Variants in COL4A3 observed in about 807,000 individuals in gnomAD.
COL4A3 encodes the protein collagen alpha-3(IV) chain.
Under a neutral mutation model 217.4 loss-of-function variants are expected in COL4A3, and 135 were observed. The ratio of observed to expected loss-of-function variants is 0.62; its 90% confidence interval spans 0.54 to 0.72. The LOEUF (loss-of-function observed/expected upper bound fraction) is 0.72. COL4A3 is among the 30% of genes least tolerant of loss of function. The probability of loss-of-function intolerance (pLI) is 0.00; values close to 1 mark genes in which losing one functional copy is unlikely to be tolerated. For synonymous variants in COL4A3, 690 were observed against 736.3 expected, an observed-to-expected ratio of 0.94 and a Z score of 1.02; for missense variants, 1,868 against 2,119.9, an observed-to-expected ratio of 0.88 and a Z score of 2.33.
intron 34 of COL4A3, among the ~76,000 whole-genome samples, chr2:227,287,451 C>A (rs983999580): frequency 3.3e-5 from 5 of 151,670 alleles, no homozygotes; most frequent in Non-Finnish European, 7.4e-5. Flanking sequence ...AAATGTAAAA[C>A]CCGTCTTTAA....
At chr2:227,270,544 G>A (rs2071174643) in intron 24 of COL4A3, among the ~76,000 whole-genome samples, 1 of 152,016 alleles carries the variant, frequency 6.6e-6, no homozygotes. Flanking sequence ...TTATATTATT[G>A]TCTGTATTGC....
chr2:227,184,308 T>C (rs1027160653), intron 1 of COL4A3, among the ~76,000 whole-genome samples: 12 of 152,222 alleles, frequency 7.9e-5, no homozygotes, highest in African/African-American at 2.9e-4. Flanking sequence ...GAGTTGCTGG[T>C]TAATTATTGC....
intron 1 of COL4A3, among the ~76,000 whole-genome samples, chr2:227,225,133 T>C (rs1217849570): frequency 6.6e-6 from 1 of 152,218 alleles, no homozygotes; most frequent in Non-Finnish European, 1.5e-5. Context: ...CTCCAACCCC[T>C]GGGCTCAAGT....
At position 227,244,332 on chromosome 2, in the gene COL4A3, C is replaced by G. The variant is rs372621387; in HGVS notation, c.247C>G (p.Leu83Val). 1.9e-4 allele frequency: 310 copies of G among 1,613,814 alleles called. No individual in the cohort carries two copies. Among genetic ancestry groups the G allele is most frequent in the Non-Finnish European group, 2.6e-4 (305 of 1,179,896 alleles). ...GPQGPKGFPG[L>V]PGLTGSKGVR... ...CACTTGAATCTAGGGCTTTCCAGGA[C>G]TTCCAGGACTCACGGGTTCCAAAGG... Residue 83 changes from leucine to valine, a missense_variant, in exon 4 of 52, where the codon CTT becomes GTT. Leu to Val is a conservative substitution (Grantham distance 32). Coordinates refer to ENST00000396578, the MANE Select transcript of COL4A3 (RefSeq NM_000091.5).
At chr2:227,221,829 AATG>A (rs1170549284) in intron 1 of COL4A3, among the ~76,000 whole-genome samples, 8 of 152,212 alleles carry the variant, frequency 5.3e-5, no homozygotes, top group Admixed American at 3.9e-4. Flanking sequence ...TGAATGAATA[AATG>A]ATACCACTTC....
In COL4A3 at chr2:227,191,253, G is replaced by A. The variant is rs1331324341; in HGVS notation, c.87+26440G>A. Reference sequence around the variant, plus strand: ...CAATGACACTCTGCTTGATTTGGAAGTACATTCCTCGTACACATTCCCAGA... The same window carrying A: ...CAATGACACTCTGCTTGATTTGGAAATACATTCCTCGTACACATTCCCAGA... On this transcript the variant is annotated intron_variant, in intron 1 of 51. Transcript: ENST00000396578. The surrounding 1 kb of genome is among the most constrained non-coding windows in gnomAD (Gnocchi z 6.8). Among the ~76,000 whole-genome samples, 2 of 151,848 alleles carry A rather than the reference G, an allele frequency of 1.3e-5. No homozygotes were observed. The highest frequency in any genetic ancestry group is 4.8e-5 in the African/African-American group (2 of 41,340).
chr2:227,179,676 G>C (rs1403661639), intron 1 of COL4A3, among the ~76,000 whole-genome samples: 1 of 152,218 alleles, frequency 6.6e-6, no homozygotes, highest in Non-Finnish European at 1.5e-5. Context: ...CCACAAGGCA[G>C]CAAATACTTT....
At position 227,253,715 on chromosome 2, in the gene COL4A3, T is replaced by C; in HGVS notation, c.765+77T>C. 8.1e-7 allele frequency: 1 copy of C among 1,235,828 alleles called. No homozygotes were observed. Among genetic ancestry groups the C allele is most frequent in the Non-Finnish European group, 1.2e-6 (1 of 835,026 alleles). 76.6% of individuals were successfully genotyped at this position (1,235,828 alleles called of 1,614,324 possible). A position where few individuals can be genotyped will look rare whatever the true frequency, so the allele number is the denominator to read the frequency against. On this transcript the variant is annotated intron_variant, in intron 13 of 51. Transcript: ENST00000396578. The surrounding 1 kb of genome is among the most constrained non-coding windows in gnomAD (Gnocchi z 4.4). ...AGTCCTTGTGACCCTGCACCTCTTT[T>C]ACAAGCTCTTGTTATCTAAGTCCAG... is the stretch of plus-strand genomic sequence containing the variant.
chr2:227,211,438 C>T (rs1402386337), intron 1 of COL4A3, among the ~76,000 whole-genome samples: 2 of 152,158 alleles, frequency 1.3e-5, no homozygotes, highest in Admixed American at 6.5e-5. Context: ...ACTGTGAACA[C>T]GTTTGCACAT....
chr2:227,179,636 A>G (rs183951097), intron 1 of COL4A3, among the ~76,000 whole-genome samples: 1 of 152,226 alleles, frequency 6.6e-6, no homozygotes, highest in African/African-American at 2.4e-5. Flanking sequence ...TTATTTTGGG[A>G]CAAAACATTG....
intron 1 of COL4A3, among the ~76,000 whole-genome samples, chr2:227,207,541 C>T (rs558796652): frequency 9.9e-4 from 150 of 152,214 alleles, no homozygotes; most frequent in African/African-American, 3.5e-3. Context: ...GTACAGGCTT[C>T]CCACCTTAAG....
chr2:227,201,996 TA>T (rs1403186040), intron 1 of COL4A3, among the ~76,000 whole-genome samples: 3 of 152,218 alleles, frequency 2.0e-5, no homozygotes, highest in African/African-American at 7.2e-5. Flanking sequence ...TGAATGCTGG[TA>T]AAAGGACTTC....
intron 38 of COL4A3, chr2:227,293,781 C>T (rs1040021741): frequency 1.3e-5 from 6 of 471,056 alleles, no homozygotes; most frequent in South Asian, 6.2e-5. Flanking sequence ...CTGTCGGCAG[C>T]GTTGGTTTCT....
rs1553738665 is a variant in COL4A3, at chr2:227,202,982, CAT to C, written c.88-34983_88-34982del. 3.4e-4 allele frequency among the ~76,000 whole-genome samples: 2 copies of C among 5,840 alleles called. 1 individual carries two copies. The highest frequency in any genetic ancestry group is 6.0e-4 in the Non-Finnish European group (2 of 3,332). The allele number at this position is 5,840 out of a possible 152,430, so 3.8% of individuals were successfully genotyped here. ...ATATGTGTATATATGTGTATATATA[CAT>C]ATGTGTATATATGTGTATATATACA... On this transcript the variant is annotated intron_variant, in intron 1 of 51. Coordinates refer to ENST00000396578, the MANE Select transcript of COL4A3 (RefSeq NM_000091.5).
chr2:227,183,332 T>G (rs1237271450), intron 1 of COL4A3, among the ~76,000 whole-genome samples: 1 of 152,138 alleles, frequency 6.6e-6, no homozygotes, highest in Middle Eastern at 3.2e-3. Context: ...TGAGTTAGAA[T>G]AAAACTAAGG....
At position 227,263,955 on chromosome 2, in the gene COL4A3, G is replaced by A. The variant is rs767194790; in HGVS notation, c.1315+11G>A. 1.2e-6 allele frequency: 2 copies of A among 1,614,006 alleles called. No homozygotes were observed. The highest frequency in any genetic ancestry group is 1.1e-5 in the South Asian group (1 of 91,082). On this transcript the variant is annotated intron_variant, in intron 21 of 51. Transcript: ENST00000396578. ...CTCCAGGACCGCCAGGTAAAGATGTGGAAGGGGACCCCTTTTGTGCACAGT... is the reference window on the plus strand; with the variant it reads ...CTCCAGGACCGCCAGGTAAAGATGTAGAAGGGGACCCCTTTTGTGCACAGT...
At position 227,280,576 on chromosome 2, in the gene COL4A3, T is replaced by C. The variant is rs766043724; in HGVS notation, c.2360T>C (p.Leu787Pro). Reference sequence around the variant, plus strand: ...CCTGGAACTCCAGGAAATGAAGGGCTTGATGGACCACGAGGTACAATAGCA... The same window carrying C: ...CCTGGAACTCCAGGAAATGAAGGGCCTGATGGACCACGAGGTACAATAGCA... ...GLPGTPGNEGLDGPRGDPGQP... is the reference protein window; with the variant it reads ...GLPGTPGNEGPDGPRGDPGQP... The change falls in exon 30 of 52, where the codon CTT becomes CCT. Residue 787 changes from leucine to proline, a missense_variant. By Grantham distance (98) the Leu-to-Pro change is moderately conservative. Coordinates refer to ENST00000396578, the MANE Select transcript of COL4A3 (RefSeq NM_000091.5). 60 of 1,613,982 alleles carry C rather than the reference T, an allele frequency of 3.7e-5. No individual in the cohort carries two copies. The East Asian group carries it at 6.9e-4, about 19-fold the overall frequency.
chr2:227,302,402 C>CA (rs1461291584), intron 43 of COL4A3, among the ~76,000 whole-genome samples: 1 of 152,066 alleles, frequency 6.6e-6, no homozygotes, highest in Non-Finnish European at 1.5e-5. Context: ...CTGGGCCAGG[C>CA]ATGGTAGCTC....
chr2:227,285,403 T>C (rs758718324), intron 34 of COL4A3, among the ~76,000 whole-genome samples: 1 of 151,950 alleles, frequency 6.6e-6, no homozygotes, highest in East Asian at 1.9e-4. Flanking sequence ...TAACCTGGTG[T>C]TGAAGAGACA....
Sources: gnomAD v4.1 joint callset for allele counts (sites outside exome capture counted in the v4.1 genomes callset) on GRCh38, gnomAD v4.1.1 for gene constraint, Gnocchi (gnomAD v3.1) non-coding constraint, MANE v1.5 for transcripts, NCBI Gene and HGNC (gene_info 2026-07-23, HGNC 2026-07-21) for gene names.